The following ACOXL variants were observed in gnomAD, a reference collection of about 807,000 sequenced individuals.
ACOXL encodes the protein acyl-CoA oxidase like.
In ACOXL, 70 loss-of-function variants were observed where a neutral mutation model predicts 71.9. The observed-to-expected ratio is 0.97, with a 90% CI of 0.80 to 1.19. The LOEUF is 1.19. ACOXL is among the 50% of genes most tolerant of loss of function. The pLI is 0.00. For missense variants in ACOXL, 703 were observed against 736.3 expected (o/e 0.95, Z 0.52); for synonymous variants, 253 against 281.6 (o/e 0.90, Z 1.02).
At chr2:110,816,364 T>G (rs1687918603) in intron 9 of ACOXL, among the ~76,000 whole-genome samples, 1 of 152,120 alleles carries the variant, frequency 6.6e-6, no homozygotes, top group East Asian at 1.9e-4. Flanking sequence ...TCTGTGGAGA[T>G]TGGGTTTGGG....
chr2:111,068,262 G>A (rs1404441751), intron 16 of ACOXL, among the ~76,000 whole-genome samples: 1 of 152,188 alleles, frequency 6.6e-6, no homozygotes, highest in East Asian at 1.9e-4. Context: ...GAAACGGTGT[G>A]CGTGCTGGAG....
intron 3 of ACOXL, among the ~76,000 whole-genome samples, chr2:110,791,966 C>A (rs1684704285): frequency 6.6e-6 from 1 of 152,138 alleles, no homozygotes; most frequent in South Asian, 2.1e-4. Context: ...TGCCTCCTTC[C>A]CCCAACCGGG....
chr2:111,017,568 A>G (rs1200018583), intron 14 of ACOXL, among the ~76,000 whole-genome samples: 1 of 152,214 alleles, frequency 6.6e-6, no homozygotes, highest in Non-Finnish European at 1.5e-5. Flanking sequence ...CATGATTAGG[A>G]CACAGCAGAG....
chr2:110,816,442 A>ATAAG (rs1344700051), intron 9 of ACOXL, among the ~76,000 whole-genome samples: 1 of 152,182 alleles, frequency 6.6e-6, no homozygotes, highest in African/African-American at 2.4e-5. Context: ...AAAAAGAAAA[A>ATAAG]CAAGCACTTT....
At chr2:110,886,306 A>G (rs1697278990) in intron 10 of ACOXL, among the ~76,000 whole-genome samples, 1 of 151,876 alleles carries the variant, frequency 6.6e-6, no homozygotes, top group Non-Finnish European at 1.5e-5. Flanking sequence ...CACATTGCAC[A>G]GGCATTTTCT....
chr2:110,826,630 G>A (rs1293844218), intron 9 of ACOXL, among the ~76,000 whole-genome samples: 1 of 152,102 alleles, frequency 6.6e-6, no homozygotes, highest in Non-Finnish European at 1.5e-5. Flanking sequence ...GTTGTTGGTG[G>A]CCATTGATTC....
At chr2:110,972,121 A>G (rs2062217480) in intron 12 of ACOXL, among the ~76,000 whole-genome samples, 1 of 152,174 alleles carries the variant, frequency 6.6e-6, no homozygotes, top group Admixed American at 6.5e-5. Flanking sequence ...ACGTGGGAGC[A>G]TGGAAAATGA....
chr2:110,997,043 C>T (rs1334447352), intron 14 of ACOXL, among the ~76,000 whole-genome samples: 1 of 152,190 alleles, frequency 6.6e-6, no homozygotes, highest in African/African-American at 2.4e-5. Context: ...ACATATCCTC[C>T]ACATATCAAA....
intron 16 of ACOXL, among the ~76,000 whole-genome samples, chr2:111,072,546 A>G (rs2067391724): frequency 6.6e-6 from 1 of 152,228 alleles, no homozygotes; most frequent in African/African-American, 2.4e-5. Flanking sequence ...AGCTGCTATA[A>G]GTATTCATGT....
chr2:110,846,924 C>G (rs1691959664), intron 10 of ACOXL, among the ~76,000 whole-genome samples: 1 of 152,140 alleles, frequency 6.6e-6, no homozygotes, highest in Admixed American at 6.5e-5. Context: ...GCCATGACTG[C>G]CTGCGCGCTT....
intron 9 of ACOXL, among the ~76,000 whole-genome samples, chr2:110,809,211 C>A (rs545437136): frequency 6.6e-6 from 1 of 152,340 alleles, no homozygotes; most frequent in African/African-American, 2.4e-5. Context: ...AGACACTGCT[C>A]CCCATAGTAT....
chr2:111,022,622 C>T (rs2064820651), intron 14 of ACOXL, among the ~76,000 whole-genome samples: 2 of 152,182 alleles, frequency 1.3e-5, no homozygotes, highest in East Asian at 3.9e-4. Context: ...CTGGGGACCC[C>T]GAGGAAGGCA....
At chr2:111,009,211 GA>G (rs1231966063) in intron 14 of ACOXL, among the ~76,000 whole-genome samples, 6 of 152,052 alleles carry the variant, frequency 3.9e-5, no homozygotes, top group Non-Finnish European at 8.8e-5. Flanking sequence ...TTGTTTTAGG[GA>G]GTCAGAAAAT....
intron 12 of ACOXL, among the ~76,000 whole-genome samples, chr2:110,979,606 A>G (rs1253705844): frequency 1.3e-5 from 2 of 152,118 alleles, no homozygotes; most frequent in African/African-American, 4.8e-5. Context: ...CCAGTTACAG[A>G]TGGTGACGGG....
At chr2:111,059,245 A>G (rs1199429562) in intron 16 of ACOXL, among the ~76,000 whole-genome samples, 1 of 152,218 alleles carries the variant, frequency 6.6e-6, no homozygotes, top group Non-Finnish European at 1.5e-5. Flanking sequence ...TCTATAAAAT[A>G]ATAATAATAG....
At position 110,768,468 on chromosome 2, in the gene ACOXL, A is replaced by C. The variant is rs1380359123; in HGVS notation, c.75+4A>C. 1 of 1,606,284 alleles carries C rather than the reference A, an allele frequency of 6.2e-7. No individual in the cohort carries two copies. The highest frequency in any genetic ancestry group is 1.7e-5 in the Admixed American group (1 of 59,670). ...AAAACGTGCAGGTCAGGATCTGGTAAGTGTCATTATTATTCTGGTATGGTT... is the reference window on the plus strand; with the variant it reads ...AAAACGTGCAGGTCAGGATCTGGTACGTGTCATTATTATTCTGGTATGGTT... On this transcript the variant is annotated splice_donor_region_variant and intron_variant, in intron 2 of 17. Transcript: ENST00000439055.
chr2:110,867,638 G>A (rs1226309841), intron 10 of ACOXL, among the ~76,000 whole-genome samples: 1 of 152,218 alleles, frequency 6.6e-6, no homozygotes, highest in East Asian at 1.9e-4. Flanking sequence ...GTGGGGACTG[G>A]AGGGCCAATA....
At chr2:110,995,540 A>G (rs1042826703) in intron 13 of ACOXL, among the ~76,000 whole-genome samples, 3 of 148,882 alleles carry the variant, frequency 2.0e-5, no homozygotes, top group Non-Finnish European at 3.0e-5. Flanking sequence ...TGATTGAGTT[A>G]TACATGAATT....
intron 8 of ACOXL, among the ~76,000 whole-genome samples, 155 bp from the exon 9 acceptor site, chr2:110,805,108 C>A (rs993186723): frequency 2.0e-5 from 3 of 152,204 alleles, no homozygotes; most frequent in African/African-American, 7.2e-5. Flanking sequence ...GAGAGGGACT[C>A]CCCCTGCCCT....
Sources: gnomAD v4.1 joint callset for allele counts (sites outside exome capture counted in the v4.1 genomes callset) on GRCh38, gnomAD v4.1.1 for gene constraint, MANE v1.5 for transcripts, NCBI Gene and HGNC (gene_info 2026-07-23, HGNC 2026-07-21) for gene names.